Variants in USP12 observed in about 807,000 individuals in gnomAD.
USP12 encodes ubiquitin carboxyl-terminal hydrolase 12.
USP12 carries 19 observed loss-of-function variants against 45.5 expected under a neutral mutation model. The observed-to-expected ratio is 0.42, with a 90% confidence interval of 0.29 to 0.61. USP12 has a LOEUF of 0.61. USP12 is among the 20% of genes least tolerant of loss of function. USP12 has a pLI of 0.22. For synonymous variants in USP12, 149 were observed against 148.8 expected (o/e 1.00, Z -0.01); for missense variants, 242 against 447.7 (o/e 0.54, Z 4.15).
rs1022431222 is a variant in USP12 at position 27,129,428 on chromosome 13, T to C, written c.49-12832A>G. On this transcript the variant is annotated intron_variant, in intron 1 of 8. Coordinates refer to ENST00000282344, the MANE Select transcript of USP12 (RefSeq NM_182488.4). This position sits in a 1 kb window ranked among gnomAD's most constrained non-coding sequence, Gnocchi z 4.0. Reference sequence around the variant, plus strand: ...AGCTCATAAAATGACAGTGTCACTCTAAAGCTATGCGTAGGCCAGGTGCAG... The same window carrying C: ...AGCTCATAAAATGACAGTGTCACTCCAAAGCTATGCGTAGGCCAGGTGCAG... Among the ~76,000 whole-genome samples the C allele has an allele frequency of 1.3e-5, 2 of 152,224 alleles. No homozygotes were observed. The highest frequency in any genetic ancestry group is 4.8e-5 in the African/African-American group (2 of 41,468).
In USP12 at chr13:27,129,590, C is replaced by A. The variant is rs1186259738; in HGVS notation, c.49-12994G>T. 6.6e-6 allele frequency among the ~76,000 whole-genome samples: 1 copy of A among 152,126 alleles called. No homozygotes were observed. ...GATGTTGTGGAGCACGCCTGTAGTC[C>A]CAGCTGTTCGGGAGGCTGAGGCAGG... On this transcript the variant is annotated intron_variant, in intron 1 of 8. Transcript: ENST00000282344. This position sits in a 1 kb window ranked among gnomAD's most constrained non-coding sequence, Gnocchi z 4.0.
chr13:27,092,192 C>T (rs1874349183), intron 4 of USP12, among the ~76,000 whole-genome samples: 1 of 151,980 alleles, frequency 6.6e-6, no homozygotes, highest in African/African-American at 2.4e-5. Flanking sequence ...GAAGAACTAC[C>T]AAACTCCAAT....
chr13:27,095,883 A>T lies in USP12; in HGVS notation c.344-53T>A, dbSNP rs1312085748. 22 of 1,345,248 alleles carry T rather than the reference A, an allele frequency of 1.6e-5. No homozygotes were observed. The East Asian group carries it at 2.5e-4, about 15-fold the overall frequency. 83.3% of individuals were successfully genotyped at this position (1,345,248 alleles called of 1,614,324 possible). A position where few individuals can be genotyped will look rare whatever the true frequency, so the allele number is the denominator to read the frequency against. ...ATTATTTCAGAATTCATAACTTCAT[A>T]AAAAACCAATTTATAAAAGAATATC... On this transcript the variant is annotated intron_variant, in intron 3 of 8. Transcript: ENST00000282344.
chr13:27,148,795 T>TACACACACACACAC (rs58820564), intron 1 of USP12, among the ~76,000 whole-genome samples: 1,956 of 141,550 alleles, frequency 0.014, 23 homozygotes, highest in South Asian at 0.04. Context: ...ATCATCTTAA[T>TACACACACACACAC]ACACACACAC....
At chr13:27,171,304 C>T (rs1039218271) in intron 1 of USP12, among the ~76,000 whole-genome samples, 3 of 149,818 alleles carry the variant, frequency 2.0e-5, no homozygotes, top group African/African-American at 2.4e-5. Flanking sequence ...TCCCGGAGGC[C>T]GGTGCCCGCC....
intron 6 of USP12, among the ~76,000 whole-genome samples, chr13:27,083,508 C>T (rs964656687): frequency 4.6e-5 from 7 of 152,134 alleles, no homozygotes; most frequent in African/African-American, 1.7e-4. Flanking sequence ...AATCCTTTCT[C>T]ATTACAGTTC....
chr13:27,074,180 C>G (rs1389244537), intron 7 of USP12, among the ~76,000 whole-genome samples: 1 of 152,124 alleles, frequency 6.6e-6, no homozygotes, highest in Non-Finnish European at 1.5e-5. Flanking sequence ...GCGGGCAGAT[C>G]ACGAGGTCAG....
intron 6 of USP12, among the ~76,000 whole-genome samples, chr13:27,088,309 G>C (rs893388699): frequency 1.3e-5 from 2 of 151,920 alleles, no homozygotes; most frequent in African/African-American, 2.4e-5. Context: ...CCAGCTACTC[G>C]GGAGGCTGAG....
intron 1 of USP12, among the ~76,000 whole-genome samples, chr13:27,140,024 C>T (rs1876986330): frequency 6.6e-6 from 1 of 152,184 alleles, no homozygotes; most frequent in African/African-American, 2.4e-5. Flanking sequence ...TCCCTACCTG[C>T]AAAATACATT....
chr13:27,110,127 T>TAAAAAAAA (rs1555234986), intron 2 of USP12, among the ~76,000 whole-genome samples: 6 of 119,620 alleles, frequency 5.0e-5, no homozygotes, highest in Non-Finnish European at 8.3e-5. Flanking sequence ...CTTTTCCAGG[T>TAAAAAAAA]AAAAAAAAAA....
At chr13:27,069,808 G>A (rs765506503) in intron 8 of USP12, among the ~76,000 whole-genome samples, 13 of 152,134 alleles carry the variant, frequency 8.5e-5, no homozygotes, top group African/African-American at 2.9e-4. Context: ...TTAGCTAGGC[G>A]TGTTGGCGCA....
chr13:27,130,529 C>G (rs1157454227), intron 1 of USP12, among the ~76,000 whole-genome samples: 1 of 141,706 alleles, frequency 7.1e-6, no homozygotes, highest in Non-Finnish European at 1.5e-5. Context: ...GTTCAGTTCT[C>G]ACACACACAC....
chr13:27,136,282 G>A (rs1235578353), intron 1 of USP12, among the ~76,000 whole-genome samples: 1 of 152,194 alleles, frequency 6.6e-6, no homozygotes, highest in Non-Finnish European at 1.5e-5. Flanking sequence ...TGGATCACCT[G>A]AGGTCAGGAA....
intron 6 of USP12, 44 bp downstream of exon 6, chr13:27,089,838 AC>A (rs1403050243): frequency 6.3e-7 from 1 of 1,580,704 alleles, no homozygotes; most frequent in Non-Finnish European, 8.6e-7. Flanking sequence ...AACATCAATT[AC>A]AAAAAATAAA....
chr13:27,141,988 GGCGTGTGCCTGCAGTCCCAGCCACTT>G (rs58309351), intron 1 of USP12, among the ~76,000 whole-genome samples: 4,774 of 152,252 alleles, frequency 0.031, 256 homozygotes, highest in African/African-American at 0.11. Flanking sequence ...GGTACATGAT[GGCGTGTGCCTGCAGTCCCAGCCACTT>G]GCAAGGCTGA....
At chr13:27,078,630 G>A (rs1285880617) in intron 6 of USP12, among the ~76,000 whole-genome samples, 3 of 151,154 alleles carry the variant, frequency 2.0e-5, no homozygotes, top group East Asian at 3.9e-4. Context: ...GTCAGACAAA[G>A]CATACAAGAT....
At chr13:27,078,999 A>G (rs1275841890) in intron 6 of USP12, among the ~76,000 whole-genome samples, 2 of 152,088 alleles carry the variant, frequency 1.3e-5, no homozygotes, top group African/African-American at 4.8e-5. Context: ...CTGATAAAAA[A>G]AAAAACTAGA....
At chr13:27,171,306 G>A (rs1245952445) in intron 1 of USP12, among the ~76,000 whole-genome samples, 1 of 149,480 alleles carries the variant, frequency 6.7e-6, no homozygotes, top group Non-Finnish European at 1.5e-5. Context: ...CCGGAGGCCG[G>A]TGCCCGCCCG....
intron 1 of USP12, among the ~76,000 whole-genome samples, chr13:27,168,727 T>A (rs958678176): frequency 6.6e-6 from 1 of 152,204 alleles, no homozygotes; most frequent in Non-Finnish European, 1.5e-5. Context: ...TACTAACTTA[T>A]GAAAAACAAG....
Sources: allele counts gnomAD v4.1 joint callset (sites outside exome capture counted in the v4.1 genomes callset), GRCh38; gene constraint gnomAD v4.1.1; non-coding constraint Gnocchi (gnomAD v3.1); transcripts MANE v1.5; gene names NCBI Gene and HGNC (gene_info 2026-07-23, HGNC 2026-07-21).